The following TEX15 variants were observed in gnomAD, a reference collection of about 807,000 sequenced individuals.
TEX15 encodes testis-expressed protein 15.
In TEX15, 171 loss-of-function variants were observed where a neutral mutation model predicts 237.3. The observed-to-expected ratio is 0.72, with a 90% CI of 0.64 to 0.82. The LOEUF (loss-of-function observed/expected upper bound fraction) is 0.82, where lower values mean the gene tolerates loss of function less well. Ranked by LOEUF, TEX15 falls within the 40% of genes least tolerant of loss-of-function variation. The probability of loss-of-function intolerance (pLI) is 0.00; values close to 1 mark genes in which losing one functional copy is unlikely to be tolerated. For missense variants in TEX15, 3,750 were observed against 3,646.5 expected (o/e 1.03, Z -0.73); for synonymous variants, 1,338 against 1,269.8 (o/e 1.05, Z -1.14).
At chr8:30,836,505 C>A (rs1807303793) in intron 10 of TEX15, among the ~76,000 whole-genome samples, 1 of 152,100 alleles carries the variant, frequency 6.6e-6, no homozygotes, top group East Asian at 1.9e-4. Flanking sequence ...AGCCACTGCG[C>A]CCAGCCCCAC....
At chr8:30,854,725 G>A (rs1203165333) in intron 7 of TEX15, among the ~76,000 whole-genome samples, 1 of 151,770 alleles carries the variant, frequency 6.6e-6, no homozygotes, top group Non-Finnish European at 1.5e-5. Flanking sequence ...TACAAATATG[G>A]ACACAAAAAT....
chr8:30,887,286 GTTTC>G lies in TEX15; in HGVS notation c.13_16del (p.Glu5LeufsTer10), dbSNP rs1295362761. The G allele has an allele frequency of 6.5e-7, 1 of 1,531,488 alleles. No individual in the cohort carries two copies. Among genetic ancestry groups the G allele is most frequent in the African/African-American group, 1.4e-5 (1 of 72,820 alleles). The allele number at this position is 1,531,488 out of a possible 1,614,324, so 94.9% of individuals were successfully genotyped here. ...TTGCCACAGTGTATCCTGTTTAGCA[GTTTC>G]TTTCATTTCCATTTTGTTGGCCTAA... On this transcript the variant is annotated frameshift_variant, in exon 3 of 11. Coordinates refer to ENST00000643185, the MANE Select transcript of TEX15 (RefSeq NM_001350162.2). LOFTEE classifies it high-confidence loss of function.
rs1010472820 is a variant in TEX15 at position 30,875,085 on chromosome 8, A to G, written c.154T>C (p.Tyr52His). 1 of 1,244,600 alleles carries G rather than the reference A, an allele frequency of 8.0e-7. No homozygotes were observed. Among genetic ancestry groups the G allele is most frequent in the African/African-American group, 1.5e-5 (1 of 64,852 alleles). The allele number at this position is 1,244,600 out of a possible 1,614,324, so 77.1% of individuals were successfully genotyped here. The change falls in exon 4 of 11, where the codon TAC becomes CAC. Residue 52 changes from tyrosine (Y) to histidine (H), a missense_variant. Transcript: ENST00000643185. Reference sequence around the variant, plus strand: ...AAACTATACTCTCTACTATTGGTGTAACAAGGTGACAAGTAAACTAAAGGT... The same window carrying G: ...AAACTATACTCTCTACTATTGGTGTGACAAGGTGACAAGTAAACTAAAGGT... ...TAEKVYLSPC[Y>H]TNSREYSFIH... is the part of the protein sequence containing the mutation.
Position 30,837,384 on chromosome 8 carries a change from T to C in TEX15, c.8900A>G (p.Lys2967Arg). The C allele has an allele frequency of 1.9e-6, 3 of 1,614,112 alleles. No homozygotes were observed. The East Asian group carries it at 6.7e-5, about 36-fold the overall frequency. The change falls in exon 10 of 11, where the codon AAG becomes AGG. Residue 2967 changes from lysine (K) to arginine (R), a missense_variant. Physicochemically the swap from Lys to Arg is conservative, Grantham distance 26 (BLOSUM62 2). Coordinates refer to ENST00000643185, the MANE Select transcript of TEX15 (RefSeq NM_001350162.2). ...CACAGTATTGGGATTCAATGTATCC[T>C]TCATGTATTTGTCCTCTGACTCAGT... ...TETESEDKYM[K>R]DTLNPNTVHT... is the part of the protein sequence containing the mutation.
At chr8:30,865,800 C>A (rs1449500175) in intron 5 of TEX15, among the ~76,000 whole-genome samples, 1 of 152,034 alleles carries the variant, frequency 6.6e-6, no homozygotes, top group African/African-American at 2.4e-5. Context: ...TACCTCAAAA[C>A]AATAAAACTC....
In TEX15 at chr8:30,846,379, G is replaced by A. The variant is rs764201208; in HGVS notation, c.3788C>T (p.Thr1263Ile). ...TATTGTTGTGACATTAGAAGGTTCA[G>A]TAAACAAAGATTCACTGTTCTGATT... ...SENQNSESLF[T>I]EPSNVTTIDD... The change falls in exon 8 of 11, where the codon ACT becomes ATT. Residue 1263 changes from threonine to isoleucine, a missense_variant. Transcript: ENST00000643185. 1 of 1,613,144 alleles carries A rather than the reference G, an allele frequency of 6.2e-7. No homozygotes were observed. Among genetic ancestry groups the A allele is most frequent in the African/African-American group, 1.3e-5 (1 of 74,868 alleles).
intron 5 of TEX15, among the ~76,000 whole-genome samples, chr8:30,864,442 CAT>C (rs1173842155): frequency 6.6e-6 from 1 of 150,502 alleles, no homozygotes; most frequent in Non-Finnish European, 1.5e-5. Context: ...TGATGAAAGA[CAT>C]ATATATAAAC....
At chr8:30,882,290 T>A (rs1182291555) in intron 3 of TEX15, among the ~76,000 whole-genome samples, 2 of 146,848 alleles carry the variant, frequency 1.4e-5, no homozygotes, top group Admixed American at 6.6e-5. Flanking sequence ...GATTTCAATT[T>A]ATTTATTTAT....
At chr8:30,863,678 A>G (rs1473214714) in intron 5 of TEX15, among the ~76,000 whole-genome samples, 1 of 152,148 alleles carries the variant, frequency 6.6e-6, no homozygotes, top group Non-Finnish European at 1.5e-5. Context: ...GACATAAAAA[A>G]AAAATACTAC....
Position 30,887,158 on chromosome 8 carries a change from A to G in TEX15, c.136+9T>C, listed in dbSNP as rs1009814520. 4.6e-6 allele frequency: 7 copies of G among 1,522,832 alleles called. No individual in the cohort carries two copies. The East Asian group carries it at 1.7e-4, about 37-fold the overall frequency. The allele number at this position is 1,522,832 out of a possible 1,614,324, so 94.3% of individuals were successfully genotyped here. On this transcript the variant is annotated intron_variant, in intron 3 of 10. Coordinates refer to ENST00000643185, the MANE Select transcript of TEX15 (RefSeq NM_001350162.2). ...TTACTAAAAAAATTCCCAACCACAG[A>G]AATATTACCTTTCTCAGCTGTCCTC...
intron 1 of TEX15, among the ~76,000 whole-genome samples, chr8:30,905,372 A>G (rs1809080703): frequency 6.6e-6 from 1 of 152,048 alleles, no homozygotes; most frequent in African/African-American, 2.4e-5. Flanking sequence ...AACTCTTGGG[A>G]TGCTGCTATT....
chr8:30,840,905 A>G (rs1438581515), intron 8 of TEX15, among the ~76,000 whole-genome samples: 1 of 152,106 alleles, frequency 6.6e-6, no homozygotes, highest in Admixed American at 6.6e-5. Flanking sequence ...TTCCAGACTT[A>G]ATTTAAAAAT....
chr8:30,884,214 T>G (rs1808598056), intron 3 of TEX15, among the ~76,000 whole-genome samples: 2 of 152,218 alleles, frequency 1.3e-5, no homozygotes, highest in South Asian at 4.1e-4. Context: ...CTATTCTGAC[T>G]TGCGTGAGAT....
intron 7 of TEX15, among the ~76,000 whole-genome samples, chr8:30,857,875 T>A (rs928462458): frequency 6.6e-6 from 1 of 151,870 alleles, no homozygotes. Flanking sequence ...AACAAAACTT[T>A]AAAAAAAAGC....
intron 10 of TEX15, among the ~76,000 whole-genome samples, 179 bp from the exon 11 acceptor site, chr8:30,833,502 T>G (rs911962774): frequency 6.0e-4 from 92 of 152,082 alleles, no homozygotes; most frequent in African/African-American, 1.8e-3. Context: ...CTCTGAGGAG[T>G]GGTTTCCTCA....
rs751540666 is a variant in TEX15, at chr8:30,845,935, G to T, written c.4232C>A (p.Pro1411Gln). 1.2e-6 allele frequency: 2 copies of T among 1,613,192 alleles called. No individual in the cohort carries two copies. The highest frequency in any genetic ancestry group is 2.2e-5 in the East Asian group (1 of 44,862). The stretch of plus-strand genomic sequence containing the variant: ...TATTATTGCATATGATTTTGGTAAT[G>T]GGCCCTTTCTTTCTTCTCCTACTTT... The part of the protein sequence containing the change: ...ITKVGEERKG[P>Q]LPKSYAIICN... The change falls in exon 8 of 11, where the codon CCA becomes CAA. Residue 1411 changes from proline (P) to glutamine (Q), a missense_variant. Transcript: ENST00000643185.
chr8:30,848,248 C>T lies in TEX15; in HGVS notation c.1919G>A (p.Trp640Ter), dbSNP rs750882918. Residue 640 changes from tryptophan (W) to a stop codon, truncating the protein, a stop_gained, in exon 8 of 11, where the codon TGG (tryptophan) becomes TAG (stop). Coordinates refer to ENST00000643185, the MANE Select transcript of TEX15 (RefSeq NM_001350162.2). LOFTEE classifies it high-confidence loss of function. ...SSKHEEKQTS[W>*]KEIDNDFTNE... Reference sequence around the variant, plus strand: ...AGTGAAATCATTATCAATTTCTTTCCATGAAGTTTGCTTTTCTTCATGTTT... The same window carrying T: ...AGTGAAATCATTATCAATTTCTTTCTATGAAGTTTGCTTTTCTTCATGTTT... 1.2e-6 allele frequency: 2 copies of T among 1,611,906 alleles called. No homozygotes were observed. Among genetic ancestry groups the T allele is most frequent in the Middle Eastern group, 1.7e-4 (1 of 6,052 alleles).
chr8:30,854,633 C>T (rs967821431), intron 7 of TEX15, among the ~76,000 whole-genome samples: 4 of 151,874 alleles, frequency 2.6e-5, no homozygotes, highest in Non-Finnish European at 4.4e-5. Context: ...AGAATACTTC[C>T]CAACTCATCC....
chr8:30,888,757 T>C (rs1585310458), intron 2 of TEX15: 2 of 883,994 alleles, frequency 2.3e-6, no homozygotes, highest in East Asian at 1.2e-4. Context: ...GATAAGGTTC[T>C]AAGAAGGTTC....
Sources: allele counts gnomAD v4.1 joint callset (sites outside exome capture counted in the v4.1 genomes callset), GRCh38; gene constraint gnomAD v4.1.1; transcripts MANE v1.5; gene names NCBI Gene and HGNC (gene_info 2026-07-23, HGNC 2026-07-21).